The following TSPAN18 variants were observed in gnomAD, a reference collection of about 807,000 sequenced individuals.
TSPAN18 encodes the protein tetraspanin 18.
In TSPAN18, 14 loss-of-function variants were observed where a neutral mutation model predicts 27.3. That is an observed-to-expected ratio of 0.51 (90% CI 0.34 to 0.80). TSPAN18 has a LOEUF of 0.80. Ranked by LOEUF, TSPAN18 falls within the 30% of genes least tolerant of loss-of-function variation. TSPAN18 has a pLI of 0.01. For synonymous variants in TSPAN18, 143 were observed against 136.5 expected, an observed-to-expected ratio of 1.05 and a Z score of -0.33; for missense variants, 268 against 323.9, an observed-to-expected ratio of 0.83 and a Z score of 1.32.
intron 1 of TSPAN18, among the ~76,000 whole-genome samples, chr11:44,737,175 T>C (rs1854816923): frequency 6.6e-6 from 1 of 152,176 alleles, no homozygotes; most frequent in Non-Finnish European, 1.5e-5. Flanking sequence ...TGTGGGGGCA[T>C]GGGGAGGCCA....
At chr11:44,748,507 C>T (rs1483792787) in intron 1 of TSPAN18, among the ~76,000 whole-genome samples, 3 of 152,094 alleles carry the variant, frequency 2.0e-5, no homozygotes, top group Non-Finnish European at 2.9e-5. Context: ...AGTGAGTGGA[C>T]TGGATCTCAT....
intron 2 of TSPAN18, among the ~76,000 whole-genome samples, chr11:44,791,261 C>T (rs1856212709): frequency 6.6e-6 from 1 of 152,228 alleles, no homozygotes; most frequent in Non-Finnish European, 1.5e-5. Flanking sequence ...CCTTGGCAGA[C>T]TCCAGCACAC....
chr11:44,740,724 G>A (rs1244211859), intron 1 of TSPAN18, among the ~76,000 whole-genome samples: 3 of 152,202 alleles, frequency 2.0e-5, no homozygotes, highest in African/African-American at 7.2e-5. Flanking sequence ...ACTGGACTGC[G>A]AGTCCGGAAA....
chr11:44,790,554 G>T (rs529549010), intron 2 of TSPAN18, among the ~76,000 whole-genome samples: 2 of 150,650 alleles, frequency 1.3e-5, no homozygotes, highest in Non-Finnish European at 3.0e-5. Context: ...GTTTGTGTGT[G>T]CATGTGTTCG....
Position 44,929,661 on chromosome 11 carries a change from C to T in TSPAN18, c.*483C>T, listed in dbSNP as rs1860494289. On this transcript the variant is annotated 3_prime_UTR_variant, in exon 10 of 10. Transcript: ENST00000520358. ...GAGGACTCGGAACCCACAGCGCAAT[C>T]CCTGGTCCACTGGAGGATGGACTGT... 1 of 157,574 alleles carries T rather than the reference C, an allele frequency of 6.3e-6. No homozygotes were observed. The highest frequency in any genetic ancestry group is 1.4e-5 in the Non-Finnish European group (1 of 71,646). The allele number at this position is 157,574 out of a possible 1,614,324, so 9.8% of individuals were successfully genotyped here.
At chr11:44,884,477 C>T (rs575789462) in intron 3 of TSPAN18, among the ~76,000 whole-genome samples, 2 of 152,360 alleles carry the variant, frequency 1.3e-5, no homozygotes, top group Admixed American at 1.3e-4. Context: ...GGGCGATCAG[C>T]TCGACTTCCT....
intron 2 of TSPAN18, among the ~76,000 whole-genome samples, chr11:44,843,664 C>T (rs1052406184): frequency 3.3e-5 from 5 of 152,166 alleles, no homozygotes; most frequent in East Asian, 1.9e-4. Context: ...GACAGGTACA[C>T]GCCGGGGGGG....
chr11:44,803,285 AT>A (rs756701633), intron 2 of TSPAN18, among the ~76,000 whole-genome samples: 4 of 152,050 alleles, frequency 2.6e-5, no homozygotes, highest in Non-Finnish European at 5.9e-5. Flanking sequence ...GGAAGATGAC[AT>A]TTTGGGTGGA....
chr11:44,757,419 T>C (rs1276908915), intron 1 of TSPAN18, among the ~76,000 whole-genome samples: 1 of 152,184 alleles, frequency 6.6e-6, no homozygotes, highest in East Asian at 1.9e-4. Flanking sequence ...GGTCTCATTC[T>C]GTTGCCCAGG....
intron 2 of TSPAN18, among the ~76,000 whole-genome samples, chr11:44,807,547 A>AAAAAG (rs1565158615): frequency 2.6e-4 from 39 of 149,672 alleles, no homozygotes; most frequent in Admixed American, 1.4e-3. Context: ...AAAAAAAAAA[A>AAAAAG]AAAAGAAAAG....
At chr11:44,827,408 G>A (rs1857066846) in intron 2 of TSPAN18, among the ~76,000 whole-genome samples, 1 of 152,226 alleles carries the variant, frequency 6.6e-6, no homozygotes, top group African/African-American at 2.4e-5. Flanking sequence ...GCAGACAGGT[G>A]TGCCCTACCC....
At chr11:44,846,465 C>A (rs1203759824) in intron 2 of TSPAN18, among the ~76,000 whole-genome samples, 1 of 152,246 alleles carries the variant, frequency 6.6e-6, no homozygotes, top group Non-Finnish European at 1.5e-5. Context: ...TCTGATTCCC[C>A]TGACCTGTGA....
chr11:44,890,008 C>T (rs1858790565), intron 3 of TSPAN18, among the ~76,000 whole-genome samples: 1 of 152,204 alleles, frequency 6.6e-6, no homozygotes, highest in Non-Finnish European at 1.5e-5. Flanking sequence ...ACGGTCCTGC[C>T]CCACAGGCTC....
intron 8 of TSPAN18, among the ~76,000 whole-genome samples, chr11:44,923,832 CCTCCCCAGGGGTGT>C (rs1860239154): frequency 6.6e-6 from 1 of 151,398 alleles, no homozygotes; most frequent in African/African-American, 2.4e-5. Context: ...CATGCCCCAA[CCTCCCCAGGGGTGT>C]CTCTGTTCCT....
intron 1 of TSPAN18, among the ~76,000 whole-genome samples, chr11:44,738,843 C>T (rs1854861732): frequency 6.6e-6 from 1 of 152,208 alleles, no homozygotes; most frequent in African/African-American, 2.4e-5. Flanking sequence ...ACTCTATCCC[C>T]ATTTTATGGT....
Position 44,909,741 on chromosome 11 carries a change from G to A in TSPAN18, c.100G>A (p.Val34Ile), listed in dbSNP as rs1174107237. ...GACLLAIGIWVMVDPTGFREI... is the reference protein window; with the variant it reads ...GACLLAIGIWIMVDPTGFREI... ...CTGCCTGCTGGCCATCGGCATCTGG[G>A]TCATGGTGGACCCCACCGGCTTCCG... is the stretch of plus-strand genomic sequence containing the variant. Residue 34 changes from valine (V) to isoleucine (I), a missense_variant, in exon 5 of 10, where the codon GTC (valine) becomes ATC (isoleucine). Transcript: ENST00000520358. The A allele has an allele frequency of 6.2e-7, 1 of 1,613,016 alleles. No individual in the cohort carries two copies. Among genetic ancestry groups the A allele is most frequent in the East Asian group, 2.2e-5 (1 of 44,852 alleles).
chr11:44,908,336 C>A (rs960774012), intron 4 of TSPAN18, among the ~76,000 whole-genome samples: 4 of 152,154 alleles, frequency 2.6e-5, no homozygotes, highest in Non-Finnish European at 4.4e-5. Context: ...GGTCCTCCCA[C>A]CACACAAAGG....
intron 2 of TSPAN18, among the ~76,000 whole-genome samples, chr11:44,852,838 A>G (rs1271609321): frequency 6.6e-6 from 1 of 152,224 alleles, no homozygotes; most frequent in Non-Finnish European, 1.5e-5. Context: ...ATGGTCTGCA[A>G]ATGAACTGTG....
chr11:44,752,661 A>G (rs1449492062), intron 1 of TSPAN18, among the ~76,000 whole-genome samples: 1 of 152,242 alleles, frequency 6.6e-6, no homozygotes, highest in Non-Finnish European at 1.5e-5. Flanking sequence ...CAATAAAGCC[A>G]TGATTCTCAT....
Sources: allele counts gnomAD v4.1 joint callset (sites outside exome capture counted in the v4.1 genomes callset), GRCh38; gene constraint gnomAD v4.1.1; transcripts MANE v1.5; gene names NCBI Gene and HGNC (gene_info 2026-07-23, HGNC 2026-07-21).